RAD50: variants seen among roughly 807,000 people sequenced by gnomAD.
RAD50 encodes the protein RAD50 double strand break repair protein.
In RAD50, 132 loss-of-function variants were observed where a neutral mutation model predicts 168.8. That is an observed-to-expected ratio of 0.78 (90% CI 0.68 to 0.90). The LOEUF (loss-of-function observed/expected upper bound fraction) is 0.90, where lower values mean the gene tolerates loss of function less well. Ranked by LOEUF, RAD50 falls within the 40% of genes least tolerant of loss-of-function variation. RAD50 has a pLI of 0.00. For synonymous variants in RAD50, 525 were observed against 497.4 expected, an observed-to-expected ratio of 1.06 and a Z score of -0.74; for missense variants, 1,347 against 1,534.4, an observed-to-expected ratio of 0.88 and a Z score of 2.04.
At chr5:132,592,331 G>A (rs1750718393) in intron 11 of RAD50, among the ~76,000 whole-genome samples, 1 of 152,168 alleles carries the variant, frequency 6.6e-6, no homozygotes. Flanking sequence ...CCATGTCAGT[G>A]TAGTCTTTTT....
Position 132,592,791 on chromosome 5 carries a change from C to T in RAD50, c.1793+757C>T, listed in dbSNP as rs1367729066. 1.5e-5 allele frequency: 7 copies of T among 470,380 alleles called. No individual in the cohort carries two copies. The East Asian group carries it at 3.5e-4, about 23-fold the overall frequency. 29.1% of individuals were successfully genotyped at this position (470,380 alleles called of 1,614,324 possible). On this transcript the variant is annotated intron_variant, in intron 11 of 24. Coordinates refer to ENST00000378823, the MANE Select transcript of RAD50 (RefSeq NM_005732.4). ...TTGTACTGGTAAAGCCACATTCCATCACCTCCTGTTACAATTCTTTGAAGA... is the reference window on the plus strand; with the variant it reads ...TTGTACTGGTAAAGCCACATTCCATTACCTCCTGTTACAATTCTTTGAAGA...
intron 12 of RAD50, 126 bp from the exon 13 acceptor site, chr5:132,595,447 T>A: frequency 1.8e-6 from 1 of 566,496 alleles, no homozygotes; most frequent in Non-Finnish European, 2.9e-6. Context: ...GAATTTTTAT[T>A]TCTTTTATAA....
At chr5:132,594,499 G>C (rs1487051863) in intron 11 of RAD50, among the ~76,000 whole-genome samples, 2 of 152,178 alleles carry the variant, frequency 1.3e-5, no homozygotes, top group African/African-American at 2.4e-5. Context: ...TAAGGAAGTA[G>C]TATTTGTGAA....
At chr5:132,605,350 T>C (rs1447792566) in intron 16 of RAD50, among the ~76,000 whole-genome samples, 1 of 152,078 alleles carries the variant, frequency 6.6e-6, no homozygotes, top group East Asian at 1.9e-4. Flanking sequence ...GCCCCATTCT[T>C]CTCTTTTAGA....
intron 13 of RAD50, among the ~76,000 whole-genome samples, chr5:132,600,579 T>A (rs1034771588): frequency 6.6e-6 from 1 of 152,184 alleles, no homozygotes; most frequent in Non-Finnish European, 1.5e-5. Flanking sequence ...GACTGAGATC[T>A]CAGCTGAAAA....
At chr5:132,571,372 A>G (rs533298359) in intron 2 of RAD50, among the ~76,000 whole-genome samples, 4 of 152,214 alleles carry the variant, frequency 2.6e-5, no homozygotes, top group Non-Finnish European at 5.9e-5. Flanking sequence ...CAGGTAAGAA[A>G]CAGTAGATGC....
intron 21 of RAD50, among the ~76,000 whole-genome samples, chr5:132,625,308 G>C (rs1334860331): frequency 1.3e-5 from 2 of 151,796 alleles, no homozygotes; most frequent in Non-Finnish European, 2.9e-5. Context: ...GGATGGTCTC[G>C]ATCTCCTGAC....
intron 21 of RAD50, among the ~76,000 whole-genome samples, chr5:132,635,056 G>A (rs1023880972): frequency 4.6e-5 from 7 of 152,116 alleles, no homozygotes; most frequent in African/African-American, 1.4e-4. Context: ...TTGAAGATTT[G>A]ATAACATTCC....
chr5:132,560,116 G>A (rs1580976719), intron 2 of RAD50, among the ~76,000 whole-genome samples: 1 of 151,980 alleles, frequency 6.6e-6, no homozygotes, highest in Non-Finnish European at 1.5e-5. Flanking sequence ...GGGGTCATGT[G>A]CCTCTCTAGC....
In RAD50 at chr5:132,580,025, G is replaced by C. The variant is rs773887771; in HGVS notation, c.715G>C (p.Glu239Gln). 10 of 1,613,278 alleles carry C rather than the reference G, an allele frequency of 6.2e-6. No homozygotes were observed. The highest frequency in any genetic ancestry group is 8.5e-6 in the Non-Finnish European group (10 of 1,179,472). ...SKEAQLTSSK[E>Q]IVKSYENELD... The stretch of plus-strand genomic sequence containing the variant: ...GGAAGCCCAGTTAACATCTTCAAAG[G>C]AAATTGTCAAATCCTATGAGAATGA... Residue 239 changes from glutamate (E) to glutamine (Q), a missense_variant, in exon 5 of 25, where the codon GAA becomes CAA. By Grantham distance (29) the Glu-to-Gln change is conservative. This residue lies in a region of RAD50 where 703 missense variants were observed against 767.7 expected (regional missense o/e 0.92). Transcript: ENST00000378823.
At chr5:132,567,258 A>G (rs1750225433) in intron 2 of RAD50, among the ~76,000 whole-genome samples, 1 of 152,216 alleles carries the variant, frequency 6.6e-6, no homozygotes, top group Admixed American at 6.5e-5. Context: ...TTATACTCGC[A>G]AGATGAATAA....
At chr5:132,619,824 C>G (rs865920993) in intron 21 of RAD50, among the ~76,000 whole-genome samples, 1,437 of 125,256 alleles carry the variant, frequency 0.011, 17 homozygotes, top group African/African-American at 0.041. Context: ...TCCTCTCTCT[C>G]TCTCTCTCTC....
chr5:132,568,487 GA>G (rs1161971263), intron 2 of RAD50, among the ~76,000 whole-genome samples: 1 of 152,082 alleles, frequency 6.6e-6, no homozygotes, highest in Non-Finnish European at 1.5e-5. Context: ...TATAAAAAAA[GA>G]CCCAAGAAGC....
intron 13 of RAD50, among the ~76,000 whole-genome samples, chr5:132,598,481 A>G (rs751623734): frequency 6.6e-6 from 1 of 152,214 alleles, no homozygotes; most frequent in Non-Finnish European, 1.5e-5. Flanking sequence ...ATTTATTGCT[A>G]TGTAACAAAC....
intron 21 of RAD50, among the ~76,000 whole-genome samples, chr5:132,635,728 C>A (rs1360552764): frequency 6.6e-6 from 1 of 152,012 alleles, no homozygotes; most frequent in Non-Finnish European, 1.5e-5. Context: ...TTTTTAATGT[C>A]ATTTGAAAAA....
intron 21 of RAD50, among the ~76,000 whole-genome samples, chr5:132,618,624 C>T (rs780262145): frequency 1.2e-4 from 19 of 152,128 alleles, no homozygotes; most frequent in South Asian, 2.1e-4. Context: ...GTGATCCACC[C>T]GCCTCGGCCT....
chr5:132,628,109 C>CT (rs1377974288), intron 21 of RAD50, among the ~76,000 whole-genome samples: 3 of 152,110 alleles, frequency 2.0e-5, no homozygotes, highest in Non-Finnish European at 4.4e-5. Flanking sequence ...GTTTTGTACA[C>CT]TTTAAGTTTG....
rs1751747467 is a variant in RAD50 at position 132,642,369 on chromosome 5, A to G, written c.*5A>G. 3.7e-6 allele frequency: 6 copies of G among 1,610,806 alleles called. No individual in the cohort carries two copies. The highest frequency in any genetic ancestry group is 2.2e-5 in the South Asian group (2 of 90,966). On this transcript the variant is annotated 3_prime_UTR_variant, in exon 25 of 25. Transcript: ENST00000378823. ...CTGGGATTCAATGTTCATTAAAAAT[A>G]TCCAAGATTTAAATGCCATAGAAAT...
At chr5:132,637,259 C>A in intron 22 of RAD50, 59 bp downstream of exon 22, 1 of 1,570,170 alleles carries the variant, frequency 6.4e-7, no homozygotes. Context: ...AGCTCTTCCC[C>A]TTATGACCTC....
Sources: gnomAD v4.1 joint callset for allele counts (sites outside exome capture counted in the v4.1 genomes callset) on GRCh38, gnomAD v4.1.1 for gene constraint, gnomAD v4.1.1 regional missense constraint, MANE v1.5 for transcripts, NCBI Gene and HGNC (gene_info 2026-07-23, HGNC 2026-07-21) for gene names.